Variants in WWOX observed in about 807,000 individuals in gnomAD.
WWOX encodes WW domain containing oxidoreductase.
Under a neutral mutation model 46.2 loss-of-function variants are expected in WWOX, and 69 were observed. That is an observed-to-expected ratio of 1.49 (90% CI 1.23 to 1.82). WWOX has a LOEUF of 1.82. WWOX is among the 40% of genes most tolerant of loss of function. The pLI is 0.00. For missense variants in WWOX, 919 were observed against 542.6 expected (o/e 1.69, Z -6.89); for synonymous variants, 359 against 202.6 (o/e 1.77, Z -6.56).
At chr16:78,363,673 C>T (rs1344243304) in intron 5 of WWOX, among the ~76,000 whole-genome samples, 1 of 152,162 alleles carries the variant, frequency 6.6e-6, no homozygotes, top group African/African-American at 2.4e-5. Context: ...TGACCACCAC[C>T]ATTCAGGTTC....
Position 78,329,639 on chromosome 16 carries a change from G to A in WWOX, c.517-57221G>A, listed in dbSNP as rs554678365. ...TAGCAGTTTCCTGCACACGCTTAAG[G>A]GAAGAAACCGTTGTGGGGAAGCGTG... On this transcript the variant is annotated intron_variant, in intron 5 of 8. Transcript: ENST00000566780. 8.5e-5 allele frequency among the ~76,000 whole-genome samples: 13 copies of A among 152,278 alleles called. No individual in the cohort carries two copies. The South Asian group carries it at 2.7e-3, about 32-fold the overall frequency.
intron 8 of WWOX, among the ~76,000 whole-genome samples, chr16:78,572,624 A>AG (rs2044745778): frequency 6.6e-6 from 1 of 151,478 alleles, no homozygotes; most frequent in Non-Finnish European, 1.5e-5. Context: ...AAAAAAAAAA[A>AG]AAGCATTTAC....
intron 8 of WWOX, among the ~76,000 whole-genome samples, chr16:79,094,665 T>G (rs2150612312): frequency 6.6e-6 from 1 of 152,262 alleles, no homozygotes; most frequent in Non-Finnish European, 1.5e-5. Flanking sequence ...TAGCATTTTC[T>G]AGAAGTTTTG....
At chr16:78,396,699 T>C (rs1341561765) in intron 6 of WWOX, among the ~76,000 whole-genome samples, 9 of 152,238 alleles carry the variant, frequency 5.9e-5, no homozygotes, top group African/African-American at 2.2e-4. Context: ...CGGCAAAGTT[T>C]TTCTGCAAAG....
chr16:79,057,417 T>C (rs1399408708), intron 8 of WWOX, among the ~76,000 whole-genome samples: 1 of 152,262 alleles, frequency 6.6e-6, no homozygotes, highest in African/African-American at 2.4e-5. Context: ...CTGTTTTTGC[T>C]AAGCATTAGT....
At chr16:78,684,804 A>G (rs765662944) in intron 8 of WWOX, among the ~76,000 whole-genome samples, 3 of 152,176 alleles carry the variant, frequency 2.0e-5, no homozygotes, top group Non-Finnish European at 4.4e-5. Flanking sequence ...TTGTTCCCAT[A>G]TGTTTCAGTG....
chr16:78,690,340 G>C (rs1216519884), intron 8 of WWOX, among the ~76,000 whole-genome samples: 1 of 152,092 alleles, frequency 6.6e-6, no homozygotes, highest in Non-Finnish European at 1.5e-5. Flanking sequence ...TGCTTGAGCT[G>C]AATTGTTCAA....
rs866108512 is a variant in WWOX at position 78,827,318 on chromosome 16, G to T, written c.1057-384290G>T. 3.9e-5 allele frequency among the ~76,000 whole-genome samples: 6 copies of T among 152,224 alleles called. No individual in the cohort carries two copies. The South Asian group carries it at 1.2e-3, about 32-fold the overall frequency. On this transcript the variant is annotated intron_variant, in intron 8 of 8. Transcript: ENST00000566780. ...CAGATGACATCAAAGCACCATGTGT[G>T]GGGGAAGCACGATGATCTTGACCAT...
chr16:78,548,380 C>G (rs1306552625), intron 8 of WWOX, among the ~76,000 whole-genome samples: 2 of 151,812 alleles, frequency 1.3e-5, no homozygotes, highest in Non-Finnish European at 2.9e-5. Context: ...ATAAATGTGA[C>G]TCACGCAGAG....
intron 7 of WWOX, among the ~76,000 whole-genome samples, chr16:78,425,846 A>G (rs188341022): frequency 1.3e-5 from 2 of 152,270 alleles, no homozygotes; most frequent in African/African-American, 4.8e-5. Context: ...GCTAGAAAAA[A>G]AAATAACGTG....
chr16:79,157,973 A>G (rs1480374738), intron 8 of WWOX, among the ~76,000 whole-genome samples: 1 of 152,086 alleles, frequency 6.6e-6, no homozygotes, highest in Non-Finnish European at 1.5e-5. Context: ...GAAATAAAGG[A>G]GGTGGTGGGG....
chr16:78,766,228 A>G (rs924139341), intron 8 of WWOX, among the ~76,000 whole-genome samples: 6 of 152,218 alleles, frequency 3.9e-5, no homozygotes, highest in Non-Finnish European at 8.8e-5. Flanking sequence ...TCCACCAGGT[A>G]AACTTGAATC....
At chr16:78,551,880 A>T in intron 8 of WWOX, 1 of 152,174 alleles carries the variant, frequency 6.6e-6, no homozygotes, top group East Asian at 1.9e-4. Context: ...GTGCCCAAGC[A>T]GGTGTTGTTT....
At chr16:78,974,997 G>T (rs997901315) in intron 8 of WWOX, among the ~76,000 whole-genome samples, 5 of 152,164 alleles carry the variant, frequency 3.3e-5, no homozygotes, top group African/African-American at 1.2e-4. Context: ...GGACTCCCCA[G>T]CCCCTCTTCT....
At chr16:78,939,733 C>A (rs547200899) in intron 8 of WWOX, among the ~76,000 whole-genome samples, 128 of 152,312 alleles carry the variant, frequency 8.4e-4, no homozygotes, top group African/African-American at 3.0e-3. Flanking sequence ...GAAAAATCCC[C>A]ATTTCTGGGT....
intron 8 of WWOX, among the ~76,000 whole-genome samples, chr16:79,148,124 T>C (rs2050213470): frequency 6.6e-6 from 1 of 152,210 alleles, no homozygotes. Context: ...TGAGCTTTTG[T>C]TGCCAAATCT....
chr16:78,621,683 C>T (rs570668967), intron 8 of WWOX, among the ~76,000 whole-genome samples: 14 of 141,102 alleles, frequency 9.9e-5, no homozygotes, highest in South Asian at 6.9e-4. Context: ...CGGCTCACCA[C>T]GAGCTCTGCG....
At chr16:78,415,968 G>C (rs1405346966) in intron 6 of WWOX, among the ~76,000 whole-genome samples, 1 of 152,224 alleles carries the variant, frequency 6.6e-6, no homozygotes, top group African/African-American at 2.4e-5. Flanking sequence ...CATCAGAAAG[G>C]TGGAGGGGCT....
intron 8 of WWOX, among the ~76,000 whole-genome samples, chr16:78,826,182 C>G (rs536784768): frequency 1.3e-5 from 2 of 152,312 alleles, no homozygotes; most frequent in South Asian, 2.1e-4. Flanking sequence ...TGGTGAAACC[C>G]TGTCTCTACT....
Sources: gnomAD v4.1 joint callset for allele counts (sites outside exome capture counted in the v4.1 genomes callset) on GRCh38, gnomAD v4.1.1 for gene constraint, MANE v1.5 for transcripts, NCBI Gene and HGNC (gene_info 2026-07-23, HGNC 2026-07-21) for gene names.